Variants in DAB1 observed in about 807,000 individuals in gnomAD.
The protein encoded by DAB1 is DAB adaptor protein 1, also known as disabled homolog 1.
In DAB1, 15 loss-of-function variants were observed where a neutral mutation model predicts 64.6. That is an observed-to-expected ratio of 0.23 (90% confidence interval 0.16 to 0.36). DAB1 has a LOEUF of 0.36. DAB1 is among the 10% of genes least tolerant of loss of function. The probability of loss-of-function intolerance (pLI) is 1.00; values close to 1 mark genes in which losing one functional copy is unlikely to be tolerated. For missense variants in DAB1, 596 were observed against 706.7 expected, an observed-to-expected ratio of 0.84 and a Z score of 1.78; for synonymous variants, 235 against 251.9, an observed-to-expected ratio of 0.93 and a Z score of 0.64.
At chr1:57,111,133 T>C (rs1655620761) in intron 4 of DAB1, among the ~76,000 whole-genome samples, 1 of 151,986 alleles carries the variant, frequency 6.6e-6, no homozygotes, top group Non-Finnish European at 1.5e-5. Flanking sequence ...ACCTGAAGGA[T>C]GGGTGGGCCT....
intron 3 of DAB1, among the ~76,000 whole-genome samples, chr1:58,419,507 G>A (rs1644752175): frequency 6.6e-6 from 1 of 152,152 alleles, no homozygotes; most frequent in Non-Finnish European, 1.5e-5. Flanking sequence ...TCAATGTGAA[G>A]TATACTTTAC....
chr1:57,848,569 T>C (rs1410719135), intron 1 of DAB1, among the ~76,000 whole-genome samples: 1 of 152,038 alleles, frequency 6.6e-6, no homozygotes, highest in East Asian at 1.9e-4. Flanking sequence ...ACAGGGATGG[T>C]TGTGTTAAGA....
intron 6 of DAB1, among the ~76,000 whole-genome samples, chr1:57,702,269 TG>T (rs1372688293): frequency 1.3e-5 from 2 of 152,176 alleles, no homozygotes; most frequent in East Asian, 3.9e-4. Context: ...GTGATTACTT[TG>T]GTGCTGAGTA....
intron 14 of DAB1, among the ~76,000 whole-genome samples, chr1:56,998,935 T>C (rs1275140125): frequency 1.3e-5 from 2 of 152,222 alleles, no homozygotes; most frequent in Non-Finnish European, 1.5e-5. Flanking sequence ...TGGCTCATTG[T>C]GCCTTGGCCA....
chr1:58,497,263 A>G (rs1043895860), intron 3 of DAB1, among the ~76,000 whole-genome samples: 1 of 152,164 alleles, frequency 6.6e-6, no homozygotes, highest in Non-Finnish European at 1.5e-5. Flanking sequence ...CCTAAAGTCA[A>G]AAGGACTTTA....
intron 2 of DAB1, among the ~76,000 whole-genome samples, chr1:57,229,255 A>G (rs536719124): frequency 2.1e-4 from 31 of 148,828 alleles, no homozygotes; most frequent in Non-Finnish European, 2.2e-4. Context: ...GTGCAATGAT[A>G]TGATCGTGGC....
At chr1:58,250,336 C>T (rs1396042518) in intron 4 of DAB1, among the ~76,000 whole-genome samples, 1 of 152,234 alleles carries the variant, frequency 6.6e-6, no homozygotes, top group Non-Finnish European at 1.5e-5. Context: ...TTCCCTGGGG[C>T]TGGCAGGTCC....
intron 3 of DAB1, among the ~76,000 whole-genome samples, chr1:58,422,646 C>T (rs1391750176): frequency 6.7e-6 from 1 of 150,130 alleles, no homozygotes; most frequent in Non-Finnish European, 1.5e-5. Context: ...GTTCTGTCGC[C>T]CAGGCTGGAG....
chr1:57,970,022 A>C (rs1306048190), intron 5 of DAB1, among the ~76,000 whole-genome samples: 3 of 152,142 alleles, frequency 2.0e-5, no homozygotes, highest in African/African-American at 7.2e-5. Flanking sequence ...GAGATGAAAG[A>C]GACTCCAGAA....
At chr1:58,508,455 C>A (rs540065165) in intron 2 of DAB1, among the ~76,000 whole-genome samples, 7 of 152,268 alleles carry the variant, frequency 4.6e-5, no homozygotes, top group African/African-American at 1.7e-4. Flanking sequence ...TGCTTCTGCA[C>A]CTGCACAAGT....
upstream of DAB1, among the ~76,000 whole-genome samples, chr1:57,888,138 T>C (rs1005191394): frequency 2.6e-5 from 4 of 152,210 alleles, no homozygotes; most frequent in Admixed American, 6.5e-5. Context: ...TAATGCTAAT[T>C]TGAAATGTTT....
chr1:57,256,050 C>A (rs748320714), intron 2 of DAB1, among the ~76,000 whole-genome samples: 1 of 152,162 alleles, frequency 6.6e-6, no homozygotes, highest in Non-Finnish European at 1.5e-5. Flanking sequence ...CTGCCCTGTG[C>A]GTTGTTATCA....
intron 5 of DAB1, among the ~76,000 whole-genome samples, chr1:58,052,901 T>C (rs180758247): frequency 6.6e-6 from 1 of 152,340 alleles, no homozygotes; most frequent in Admixed American, 6.5e-5. Context: ...ACAAGAAACA[T>C]AGTGCCAACA....
chr1:57,975,560 C>T (rs1490047028), intron 5 of DAB1, among the ~76,000 whole-genome samples: 1 of 152,110 alleles, frequency 6.6e-6, no homozygotes, highest in African/African-American at 2.4e-5. Context: ...GATATAGCAG[C>T]TAGGGTATAT....
At chr1:58,215,078 C>T (rs1658771307) in intron 4 of DAB1, among the ~76,000 whole-genome samples, 1 of 152,154 alleles carries the variant, frequency 6.6e-6, no homozygotes, top group Non-Finnish European at 1.5e-5. Context: ...CTTACTGAAA[C>T]CATTAGCATA....
intron 6 of DAB1, among the ~76,000 whole-genome samples, chr1:57,812,993 T>G (rs1363138025): frequency 6.6e-6 from 1 of 152,180 alleles, no homozygotes; most frequent in East Asian, 1.9e-4. Flanking sequence ...AGCTAGTCTT[T>G]TAAAGGATCA....
intron 11 of DAB1, among the ~76,000 whole-genome samples, chr1:57,021,467 T>C (rs957443704): frequency 3.3e-5 from 5 of 152,156 alleles, no homozygotes; most frequent in African/African-American, 4.8e-5. Context: ...ACCGTTCTCA[T>C]GGTAGTGAGT....
At chr1:58,332,298 A>G (rs1319571136) in intron 4 of DAB1, among the ~76,000 whole-genome samples, 3 of 152,058 alleles carry the variant, frequency 2.0e-5, no homozygotes, top group Admixed American at 2.0e-4. Context: ...GCTTCTCTGC[A>G]CAGACCTCCT....
chr1:57,653,283 A>C (rs955144597), intron 6 of DAB1, among the ~76,000 whole-genome samples: 1 of 152,224 alleles, frequency 6.6e-6, no homozygotes, highest in African/African-American at 2.4e-5. Flanking sequence ...AGTTGTATTC[A>C]TAAACAATAT....
Sources: gnomAD v4.1 joint callset for allele counts (sites outside exome capture counted in the v4.1 genomes callset) on GRCh38, gnomAD v4.1.1 for gene constraint, MANE v1.5 for transcripts, NCBI Gene and HGNC (gene_info 2026-07-23, HGNC 2026-07-21) for gene names.